The following MAML3 variants were observed in gnomAD, a reference collection of about 807,000 sequenced individuals.
The protein encoded by MAML3 is mastermind like transcriptional coactivator 3.
In MAML3, 27 loss-of-function variants were observed where a neutral mutation model predicts 101.9. That is an observed-to-expected ratio of 0.27 (90% CI 0.20 to 0.37). The LOEUF (loss-of-function observed/expected upper bound fraction) is 0.37. Among genes scored for constraint, MAML3 ranks in the 10% least tolerant of loss-of-function variants. The probability of loss-of-function intolerance (pLI) is 1.00; values close to 1 mark genes in which losing one functional copy is unlikely to be tolerated. For synonymous variants in MAML3, 501 were observed against 555.9 expected (o/e 0.90, Z 1.39); for missense variants, 1,316 against 1,444.9 (o/e 0.91, Z 1.45).
intron 2 of MAML3, among the ~76,000 whole-genome samples, chr4:139,759,205 G>A (rs1159056626): frequency 6.6e-6 from 1 of 152,258 alleles, no homozygotes; most frequent in Non-Finnish European, 1.5e-5. Context: ...ACAGGGCACA[G>A]CAGTTATGAC....
At chr4:139,924,956 C>T (rs757800071) in intron 1 of MAML3, among the ~76,000 whole-genome samples, 41 of 151,340 alleles carry the variant, frequency 2.7e-4, no homozygotes, top group Non-Finnish European at 5.0e-4. Context: ...AAATTAACAA[C>T]GGAAGGAACT....
intron 2 of MAML3, among the ~76,000 whole-genome samples, chr4:139,762,911 G>A (rs555225791): frequency 3.3e-5 from 5 of 152,242 alleles, no homozygotes; most frequent in South Asian, 2.1e-4. Context: ...GAGGGGGTGC[G>A]TGTGCATATT....
chr4:139,847,594 A>G lies in MAML3; in HGVS notation c.2079+41763T>C, dbSNP rs547377729. Reference sequence around the variant, plus strand: ...TAAGAAACAAAGTGCCATTGCTAGCACTAGGAAGCTGATTGCCCTGGTGAA... The same window carrying G: ...TAAGAAACAAAGTGCCATTGCTAGCGCTAGGAAGCTGATTGCCCTGGTGAA... On this transcript the variant is annotated intron_variant, in intron 2 of 4. Transcript: ENST00000509479. Among the ~76,000 whole-genome samples the G allele has an allele frequency of 3.9e-5, 6 of 152,348 alleles. No homozygotes were observed. The South Asian group carries it at 1.2e-3, about 32-fold the overall frequency.
At chr4:140,026,941 T>C (rs12513045) in intron 1 of MAML3, among the ~76,000 whole-genome samples, 38,375 of 152,048 alleles carry the variant, frequency 0.25, 6,059 homozygotes, top group Non-Finnish European at 0.36. Flanking sequence ...ATATGTGCAA[T>C]ACTTTCTTAT....
intron 1 of MAML3, among the ~76,000 whole-genome samples, chr4:140,032,405 T>C (rs1381589732): frequency 1.3e-5 from 2 of 152,214 alleles, no homozygotes; most frequent in Non-Finnish European, 2.9e-5. Flanking sequence ...TTAACCTGAA[T>C]GAAAACTTCA....
rs973881241 is a variant in MAML3, at chr4:140,153,235, G to C, written c.93C>G (p.Ile31Met). ...SLNSSLGGAG[I>M]GVNNTPNSTP... The stretch of plus-strand genomic sequence containing the variant: ...TACTATTGGGAGTATTATTCACACC[G>C]ATCCCGGCCCCGCCGAGGCTGCTGT... The change falls in exon 1 of 5, where the codon ATC (isoleucine) becomes ATG (methionine). Residue 31 changes from isoleucine (I) to methionine (M), a missense_variant. By Grantham distance (10) the Ile-to-Met change is conservative. Coordinates refer to ENST00000509479, the MANE Select transcript of MAML3 (RefSeq NM_018717.5). The C allele has an allele frequency of 1.3e-6, 2 of 1,588,646 alleles. No homozygotes were observed. The highest frequency in any genetic ancestry group is 2.7e-5 in the African/African-American group (2 of 74,416).
chr4:139,788,000 A>G (rs11733104), intron 2 of MAML3, among the ~76,000 whole-genome samples: 30,825 of 152,204 alleles, frequency 0.2, 3,405 homozygotes, highest in Non-Finnish European at 0.24. Context: ...TAAAAGGTGT[A>G]GAATGAAGCA....
chr4:139,809,569 A>G (rs941363564), intron 2 of MAML3, among the ~76,000 whole-genome samples: 1 of 152,206 alleles, frequency 6.6e-6, no homozygotes, highest in African/African-American at 2.4e-5. Flanking sequence ...CACGTCAGTC[A>G]CGGGGCCTGG....
intron 1 of MAML3, among the ~76,000 whole-genome samples, chr4:139,901,980 G>A (rs532584221): frequency 2.1e-3 from 322 of 152,264 alleles, no homozygotes; most frequent in Non-Finnish European, 3.5e-3. Context: ...AACAGCCAGG[G>A]TGCCCAGACC....
intron 1 of MAML3, among the ~76,000 whole-genome samples, chr4:140,113,228 G>A (rs1027545263): frequency 1.3e-5 from 2 of 152,094 alleles, no homozygotes; most frequent in African/African-American, 2.4e-5. Context: ...GCAGTGAGCC[G>A]AGACAGGGCC....
intron 1 of MAML3, among the ~76,000 whole-genome samples, chr4:140,006,388 C>A (rs1027542736): frequency 1.3e-5 from 2 of 151,966 alleles, no homozygotes; most frequent in African/African-American, 4.8e-5. Flanking sequence ...GAGTTTGAGA[C>A]CAGCCTAACC....
intron 1 of MAML3, among the ~76,000 whole-genome samples, chr4:140,082,755 T>A (rs1217560042): frequency 6.6e-6 from 1 of 151,872 alleles, no homozygotes; most frequent in African/African-American, 2.4e-5. Context: ...TTTTTTTTTT[T>A]TTTAAATAAA....
chr4:139,943,838 A>T (rs1234839839), intron 1 of MAML3, among the ~76,000 whole-genome samples: 3 of 147,224 alleles, frequency 2.0e-5, no homozygotes, highest in African/African-American at 7.6e-5. Context: ...TGGTAACTTA[A>T]GGTTGGGTTG....
intron 2 of MAML3, chr4:139,794,084 A>C (rs972412933): frequency 6.6e-6 from 1 of 152,256 alleles, no homozygotes; most frequent in African/African-American, 2.4e-5. Flanking sequence ...TAAGCAACTT[A>C]TAAATCATTA....
chr4:140,151,485 C>CA (rs1729166709), intron 1 of MAML3, among the ~76,000 whole-genome samples: 1 of 152,168 alleles, frequency 6.6e-6, no homozygotes, highest in Non-Finnish European at 1.5e-5. Context: ...AAGCCCACGG[C>CA]AGCACTGGCA....
At chr4:139,931,774 C>T (rs1733399959) in intron 1 of MAML3, among the ~76,000 whole-genome samples, 1 of 151,976 alleles carries the variant, frequency 6.6e-6, no homozygotes, top group Non-Finnish European at 1.5e-5. Flanking sequence ...CTTTGGGAGG[C>T]CCAGACGGGC....
chr4:140,081,014 C>T (rs1357997498), intron 1 of MAML3, among the ~76,000 whole-genome samples: 1 of 152,162 alleles, frequency 6.6e-6, no homozygotes, highest in Non-Finnish European at 1.5e-5. Flanking sequence ...GGTTCTTCCC[C>T]CTAACCCCCA....
chr4:139,873,646 T>C (rs1015821813), intron 2 of MAML3, among the ~76,000 whole-genome samples: 1 of 152,184 alleles, frequency 6.6e-6, no homozygotes, highest in Non-Finnish European at 1.5e-5. Flanking sequence ...CCAGCTGCCA[T>C]GTCATGAGAA....
At chr4:139,725,860 G>A in intron 3 of MAML3, 25 bp from the exon 4 acceptor site, 1 of 1,597,456 alleles carries the variant, frequency 6.3e-7, no homozygotes, top group South Asian at 1.1e-5. Context: ...CACAAGAGGG[G>A]TGGAGAGGTG....
Sources: gnomAD v4.1 joint callset for allele counts (sites outside exome capture counted in the v4.1 genomes callset) on GRCh38, gnomAD v4.1.1 for gene constraint, MANE v1.5 for transcripts, NCBI Gene and HGNC (gene_info 2026-07-23, HGNC 2026-07-21) for gene names.